The following ATAD3A variants were observed in gnomAD, a reference collection of about 807,000 sequenced individuals.
ATAD3A encodes the protein ATPase family AAA domain containing 3A, also known as ATPase family AAA domain-containing protein 3A.
In ATAD3A, 46 loss-of-function variants were observed where a neutral mutation model predicts 73.8. That is an observed-to-expected ratio of 0.62 (90% CI 0.49 to 0.80). ATAD3A has a LOEUF of 0.80. Ranked by LOEUF, ATAD3A falls within the 30% of genes least tolerant of loss-of-function variation. The probability of loss-of-function intolerance (pLI) is 0.00; values close to 1 mark genes in which losing one functional copy is unlikely to be tolerated. For missense variants in ATAD3A, 705 were observed against 838.0 expected, an observed-to-expected ratio of 0.84 and a Z score of 1.96; for synonymous variants, 319 against 350.0, an observed-to-expected ratio of 0.91 and a Z score of 0.99.
rs780069241 is a variant in ATAD3A at position 1,523,539 on chromosome 1, A to G, written c.935A>G (p.Gln312Arg). The G allele has an allele frequency of 8.1e-6, 13 of 1,612,682 alleles. No homozygotes were observed. The South Asian group carries it at 1.3e-4, about 16-fold the overall frequency. Residue 312 changes from glutamine (Q) to arginine (R), a missense_variant, in exon 9 of 16, where the codon CAG (glutamine) becomes CGG (arginine). Around this residue, in one of 5 missense-constraint regions of ATAD3A, gnomAD observed 315 missense variants for 334.1 expected, o/e 0.94. Transcript: ENST00000378756. This position sits in a 1 kb window ranked among gnomAD's most constrained non-coding sequence, Gnocchi z 5.1. ...AGCCGGCGGCTCCTCAGTCGACCCC[A>G]GGACGCGCTGGAGGGTGTTGTGCTC... ...QVSRRLLSRP[Q>R]DALEGVVLSP...
At chr1:1,529,087 G>T (rs551942459) in intron 14 of ATAD3A, 136 bp from the exon 15 acceptor site, 1 of 1,340,954 alleles carries the variant, frequency 7.5e-7, no homozygotes, top group Admixed American at 2.0e-5. Flanking sequence ...ATGTGGAGCT[G>T]GGCTGTCAGA....
intron 11 of ATAD3A, 126 bp from the exon 12 acceptor site, chr1:1,525,113 TG>T (rs1294686486): frequency 3.8e-5 from 49 of 1,303,982 alleles, no homozygotes; most frequent in African/African-American, 1.7e-4. Context: ...GACTTAGGGC[TG>T]CTGATGGGGC....
At chr1:1,525,412 G>GT in intron 12 of ATAD3A, 121 bp downstream of exon 12, 1 of 998,638 alleles carries the variant, frequency 1.0e-6, no homozygotes, top group South Asian at 1.6e-5. Flanking sequence ...GTGAAAAACA[G>GT]CTTTTTTTTT....
chr1:1,531,462 C>T (rs1036843777), intron 15 of ATAD3A, among the ~76,000 whole-genome samples: 19 of 146,708 alleles, frequency 1.3e-4, no homozygotes, highest in African/African-American at 4.0e-4. Context: ...AAAACGAAAA[C>T]GAAAACTAAA....
At position 1,520,146 on chromosome 1, in the gene ATAD3A, G is replaced by A. The variant is rs146896584; in HGVS notation, c.520G>A (p.Val174Met). 5.0e-6 allele frequency: 8 copies of A among 1,610,134 alleles called. No individual in the cohort carries two copies. The African/African-American group carries it at 5.3e-5, about 11-fold the overall frequency. Reference sequence around the variant, plus strand: ...GCCCTGCCTCTCTGGGGCAGCCACCGTGGAGCGGGAGATGGAGCTGCGGCA... The same window carrying A: ...GCCCTGCCTCTCTGGGGCAGCCACCATGGAGCGGGAGATGGAGCTGCGGCA... Reference protein sequence around the residue: ...QKQEAMRRATVEREMELRHKN... With the variant: ...QKQEAMRRATMEREMELRHKN... Residue 174 changes from valine (V) to methionine (M), a missense_variant, in exon 6 of 16, where the codon GTG becomes ATG. Val to Met is a conservative substitution (Grantham distance 21). Transcript: ENST00000378756. The surrounding 1 kb of genome is among the most constrained non-coding windows in gnomAD (Gnocchi z 4.0).
intron 4 of ATAD3A, 97 bp from the exon 5 acceptor site, chr1:1,518,824 T>G: frequency 6.3e-7 from 1 of 1,586,042 alleles, no homozygotes; most frequent in Non-Finnish European, 8.6e-7. Flanking sequence ...ACGGGCACAC[T>G]CACCCCCCTG....
At chr1:1,530,028 T>C (rs1417213703) in intron 15 of ATAD3A, among the ~76,000 whole-genome samples, 1 of 152,228 alleles carries the variant, frequency 6.6e-6, no homozygotes, top group Non-Finnish European at 1.5e-5. Flanking sequence ...AATCTAGCAG[T>C]GCTTTTGAAT....
rs767210604 is a variant in ATAD3A, at chr1:1,524,278, C to T, written c.1095C>T (p.Leu365=). Residue 365 remains leucine (L), a synonymous_variant, in exon 11 of 16, where the codon CTC becomes CTT. Coordinates refer to ENST00000378756, the MANE Select transcript of ATAD3A (RefSeq NM_001170535.3). ...GTGKTLFAKK[L]ALHSGMDYAI... is the part of the protein sequence containing the mutation. ...CCCTCACTCTTCCTGTCCAGAAACTCGCCCTGCACTCAGGCATGGACTACG... is the reference window on the plus strand; with the variant it reads ...CCCTCACTCTTCCTGTCCAGAAACTTGCCCTGCACTCAGGCATGGACTACG... 8.6e-5 allele frequency: 139 copies of T among 1,613,778 alleles called. No individual in the cohort carries two copies. In the South Asian group the frequency reaches 9.4e-4, roughly 11 times the overall value.
At position 1,520,492 on chromosome 1, in the gene ATAD3A, G is replaced by T. The variant is rs113751252; in HGVS notation, c.681-56G>T. On this transcript the variant is annotated intron_variant, in intron 6 of 15. Coordinates refer to ENST00000378756, the MANE Select transcript of ATAD3A (RefSeq NM_001170535.3). This position sits in a 1 kb window ranked among gnomAD's most constrained non-coding sequence, Gnocchi z 4.0. Reference sequence around the variant, plus strand: ...AGGGCCTCACCCTCAACCTGCTCTCGCTGCGTGGCACGGATCTTCGTGTCC... The same window carrying T: ...AGGGCCTCACCCTCAACCTGCTCTCTCTGCGTGGCACGGATCTTCGTGTCC... 25,813 of 1,613,866 alleles carry T rather than the reference G, an allele frequency of 0.016. 304 individuals carry two copies. Among genetic ancestry groups the T allele is most frequent in the African/African-American group, 0.061 (4,591 of 75,040 alleles).
At chr1:1,519,241 T>A (rs909611445) in intron 5 of ATAD3A, among the ~76,000 whole-genome samples, 1 of 145,626 alleles carries the variant, frequency 6.9e-6, no homozygotes, top group African/African-American at 2.5e-5. Flanking sequence ...TTTTTTTTTT[T>A]TTTGAGACGG....
At chr1:1,525,015 C>T (rs1429839727) in intron 11 of ATAD3A, among the ~76,000 whole-genome samples, 6 of 152,186 alleles carry the variant, frequency 3.9e-5, no homozygotes, top group African/African-American at 1.2e-4. Context: ...TCGTCGCCCC[C>T]GTGTGTGGTT....
At position 1,512,338 on chromosome 1, in the gene ATAD3A, C is replaced by T. The variant is rs1641221082; in HGVS notation, c.70C>T (p.Pro24Ser). ...CGCGGGGCCGCCGCCGCCTTTGCCGCCCGCGCAGCCCGGGGCCGAGGGCGG... is the reference window on the plus strand; with the variant it reads ...CGCGGGGCCGCCGCCGCCTTTGCCGTCCGCGCAGCCCGGGGCCGAGGGCGG... ...EGAGPPPPLPPAQPGAEGGGD... is the reference protein window; with the variant it reads ...EGAGPPPPLPSAQPGAEGGGD... Residue 24 changes from proline to serine, a missense_variant, in exon 1 of 16, where the codon CCC becomes TCC. Pro to Ser is a moderately conservative substitution (Grantham distance 74, BLOSUM62 -1). Around this residue, in one of 5 missense-constraint regions of ATAD3A, gnomAD observed 125 missense variants for 170.6 expected, o/e 0.73. Coordinates refer to ENST00000378756, the MANE Select transcript of ATAD3A (RefSeq NM_001170535.3). The T allele has an allele frequency of 8.1e-7, 1 of 1,240,776 alleles. No homozygotes were observed. The highest frequency in any genetic ancestry group is 4.3e-5 in the Admixed American group (1 of 23,348). 76.9% of individuals were successfully genotyped at this position (1,240,776 alleles called of 1,614,324 possible). A position where few individuals can be genotyped will look rare whatever the true frequency, so the allele number is the denominator to read the frequency against.
At position 1,522,889 on chromosome 1, in the gene ATAD3A, A is replaced by T; in HGVS notation, c.896A>T (p.His299Leu). 6.2e-7 allele frequency: 1 copy of T among 1,608,032 alleles called. No individual in the cohort carries two copies. The highest frequency in any genetic ancestry group is 8.5e-7 in the Non-Finnish European group (1 of 1,179,600). ...ATCACGGTGCTTGAGGCGCTGCGGC[A>T]CCCCATCCAGGTAGCAGCGCAGGCC... ...SRITVLEALRHPIQVSRRLLS... is the reference protein window; with the variant it reads ...SRITVLEALRLPIQVSRRLLS... The change falls in exon 8 of 16, where the codon CAC (histidine) becomes CTC (leucine). Residue 299 changes from histidine to leucine, a missense_variant. Physicochemically the swap from His to Leu is moderately conservative, Grantham distance 99. Around this residue, in one of 5 missense-constraint regions of ATAD3A, gnomAD observed 315 missense variants for 334.1 expected, o/e 0.94. Coordinates refer to ENST00000378756, the MANE Select transcript of ATAD3A (RefSeq NM_001170535.3).
At chr1:1,527,594 G>A (rs139509505) in intron 13 of ATAD3A, 101 bp from the exon 14 acceptor site, 9 of 1,427,578 alleles carry the variant, frequency 6.3e-6, no homozygotes, top group South Asian at 2.8e-5. Context: ...CGTGTTTCCC[G>A]CCACTTTAGG....
Position 1,529,874 on chromosome 1 carries a change from G to A in ATAD3A, c.1614+543G>A, listed in dbSNP as rs139679823. 8.5e-4 allele frequency among the ~76,000 whole-genome samples: 129 copies of A among 152,330 alleles called. 1 individual carries two copies. Among genetic ancestry groups the A allele is most frequent in the East Asian group, 6.0e-3 (31 of 5,188 alleles). The stretch of plus-strand genomic sequence containing the variant: ...CTGAGGAGCCAGGACTCACAGGAGT[G>A]TGGGCGTGGCCATCCAGAAAGCTTT... On this transcript the variant is annotated intron_variant, in intron 15 of 15. Coordinates refer to ENST00000378756, the MANE Select transcript of ATAD3A (RefSeq NM_001170535.3).
chr1:1,515,911 G>T (rs1208074024), intron 1 of ATAD3A, 101 bp from the exon 2 acceptor site: 9 of 1,371,516 alleles, frequency 6.6e-6, no homozygotes, highest in Non-Finnish European at 9.1e-6. Context: ...TGAGGTCGAG[G>T]CGTGGCCGTG....
chr1:1,524,891 C>T (rs1243029478), intron 11 of ATAD3A, among the ~76,000 whole-genome samples: 1 of 151,872 alleles, frequency 6.6e-6, no homozygotes, highest in Non-Finnish European at 1.5e-5. Flanking sequence ...ATGGTTGGCA[C>T]CCTCCCCTCT....
intron 2 of ATAD3A, 26 bp from the exon 3 acceptor site, chr1:1,517,285 C>A: frequency 1.3e-6 from 2 of 1,547,452 alleles, no homozygotes; most frequent in Non-Finnish European, 1.7e-6. Flanking sequence ...GAGCAAGTGC[C>A]AGCTGGTGAG....
intron 15 of ATAD3A, among the ~76,000 whole-genome samples, chr1:1,532,291 T>G (rs930753669): frequency 6.6e-6 from 1 of 151,042 alleles, no homozygotes; most frequent in Non-Finnish European, 1.5e-5. Context: ...ATGAGGGTAA[T>G]GCTGGCCTCT....
Sources: allele counts gnomAD v4.1 joint callset (sites outside exome capture counted in the v4.1 genomes callset), GRCh38; gene constraint gnomAD v4.1.1; regional missense constraint gnomAD v4.1.1; non-coding constraint Gnocchi (gnomAD v3.1); transcripts MANE v1.5; gene names NCBI Gene and HGNC (gene_info 2026-07-23, HGNC 2026-07-21).